Variants in MRPS27 observed in about 807,000 individuals in gnomAD.
MRPS27 encodes small ribosomal subunit protein mS27.
MRPS27 carries 43 observed loss-of-function variants against 48.9 expected under a neutral mutation model. The observed-to-expected ratio is 0.88, with a 90% confidence interval of 0.69 to 1.13. MRPS27 has a LOEUF of 1.13. Ranked by LOEUF, MRPS27 falls within the 50% of genes most tolerant of loss-of-function variation. The pLI is 0.00. For missense variants in MRPS27, 467 were observed against 476.3 expected, an observed-to-expected ratio of 0.98 and a Z score of 0.18; for synonymous variants, 188 against 171.9, an observed-to-expected ratio of 1.09 and a Z score of -0.73.
chr5:72,223,564 A>G, intron 10 of MRPS27, 119 bp downstream of exon 10: 3 of 1,229,146 alleles, frequency 2.4e-6, no homozygotes, highest in South Asian at 1.5e-5. Flanking sequence ...GTAATTTTTG[A>G]TGTCAGTTTT....
At chr5:72,295,504 CA>C (rs1463338486) in intron 4 of MRPS27, 26 bp downstream of exon 4, 1 of 1,566,814 alleles carries the variant, frequency 6.4e-7, no homozygotes, top group South Asian at 1.1e-5. Flanking sequence ...TCACAGAGTA[CA>C]TAGCCAAATC....
chr5:72,236,039 TTTTTC>T (rs1166722816), intron 5 of MRPS27, among the ~76,000 whole-genome samples: 2 of 152,120 alleles, frequency 1.3e-5, no homozygotes, highest in Non-Finnish European at 2.9e-5. Context: ...CTTCTGCTTG[TTTTTC>T]TTTTGTTAAT....
intron 4 of MRPS27, among the ~76,000 whole-genome samples, chr5:72,276,087 C>A (rs1399234920): frequency 6.8e-6 from 1 of 147,188 alleles, no homozygotes; most frequent in East Asian, 1.9e-4. Context: ...TGAAGAGAAA[C>A]CTTATCATAT....
chr5:72,241,699 A>G (rs1419289852), intron 4 of MRPS27: 1 of 1,535,278 alleles, frequency 6.5e-7, no homozygotes, highest in Non-Finnish European at 8.7e-7. Flanking sequence ...CTGTCAGAAG[A>G]AAGGCAAAGA....
At chr5:72,264,222 C>G (rs1213068962) in intron 4 of MRPS27, among the ~76,000 whole-genome samples, 3 of 152,060 alleles carry the variant, frequency 2.0e-5, no homozygotes, top group Non-Finnish European at 4.4e-5. Context: ...ACTAGGTTGC[C>G]AGCAGCCGGA....
In MRPS27 at chr5:72,248,495, G is replaced by T. The variant is rs1748567793; in HGVS notation, c.282-10367C>A. Among the ~76,000 whole-genome samples the T allele has an allele frequency of 4.6e-5, 7 of 151,924 alleles. 1 individual carries two copies. The highest frequency in any genetic ancestry group is 4.6e-4 in the Admixed American group (7 of 15,238). On this transcript the variant is annotated intron_variant, in intron 4 of 10. Coordinates refer to ENST00000261413, the MANE Select transcript of MRPS27 (RefSeq NM_015084.3). The stretch of plus-strand genomic sequence containing the variant: ...AACAATTTGAAAAACATCTTTTACT[G>T]CCTGAGAAAATTTAAAAAGTGTCTG...
chr5:72,277,000 CA>C (rs1460056358), intron 4 of MRPS27, among the ~76,000 whole-genome samples: 1 of 152,000 alleles, frequency 6.6e-6, no homozygotes. Context: ...CACTGCATTC[CA>C]GCCTGGGCAA....
chr5:72,296,371 G>A (rs1749979652), intron 3 of MRPS27, among the ~76,000 whole-genome samples: 1 of 152,114 alleles, frequency 6.6e-6, no homozygotes, highest in Non-Finnish European at 1.5e-5. Context: ...ATCCATTAAG[G>A]GCATATAAAA....
intron 10 of MRPS27, among the ~76,000 whole-genome samples, chr5:72,222,892 A>G (rs1404524571): frequency 6.6e-6 from 1 of 152,238 alleles, no homozygotes; most frequent in Non-Finnish European, 1.5e-5. Flanking sequence ...ATTACTGAAA[A>G]TATTTAAACA....
intron 2 of MRPS27, among the ~76,000 whole-genome samples, chr5:72,310,171 G>A (rs1750406260): frequency 6.6e-6 from 1 of 152,200 alleles, no homozygotes; most frequent in African/African-American, 2.4e-5. Context: ...GTATGTTTAT[G>A]TGTATGTGCA....
chr5:72,309,526 TGG>T (rs1156822904), intron 2 of MRPS27, among the ~76,000 whole-genome samples: 2 of 152,156 alleles, frequency 1.3e-5, no homozygotes, highest in Admixed American at 1.3e-4. Context: ...CCCAAAGTGC[TGG>T]GATTATAGGC....
chr5:72,258,882 C>T (rs749164377), intron 4 of MRPS27, among the ~76,000 whole-genome samples: 1 of 152,202 alleles, frequency 6.6e-6, no homozygotes, highest in Non-Finnish European at 1.5e-5. Context: ...ACTACTAAAT[C>T]TCAGTCTCCA....
intron 4 of MRPS27, among the ~76,000 whole-genome samples, chr5:72,263,299 A>G (rs574333958): frequency 6.6e-6 from 1 of 152,248 alleles, no homozygotes; most frequent in African/African-American, 2.4e-5. Flanking sequence ...ATCAATGACC[A>G]TAAAACTTAA....
Position 72,314,006 on chromosome 5 carries a change from C to T in MRPS27, c.151+75G>A, listed in dbSNP as rs545188922. On this transcript the variant is annotated intron_variant, in intron 2 of 10. Coordinates refer to ENST00000261413, the MANE Select transcript of MRPS27 (RefSeq NM_015084.3). ...TCATAAAAGCATAATTTCATATATA[C>T]GTTATATGAATAAATGATGGAAGAC... 5.8e-4 allele frequency: 604 copies of T among 1,046,688 alleles called. 2 individuals are homozygous for T. In the African/African-American group the frequency reaches 8.1e-3, roughly 14 times the overall value. The allele number at this position is 1,046,688 out of a possible 1,614,324, so 64.8% of individuals were successfully genotyped here.
intron 2 of MRPS27, among the ~76,000 whole-genome samples, chr5:72,311,003 A>T (rs1010872646): frequency 1.3e-5 from 2 of 152,204 alleles, no homozygotes; most frequent in Admixed American, 6.5e-5. Context: ...TATTCTATTT[A>T]AAAAAAGAGA....
At position 72,224,198 on chromosome 5, in the gene MRPS27, T is replaced by TA. The variant is rs758146277; in HGVS notation, c.838-349dup. Among the ~76,000 whole-genome samples the TA allele has an allele frequency of 4.4e-3, 606 of 137,476 alleles. 1 individual carries two copies. Among genetic ancestry groups the TA allele is most frequent in the African/African-American group, 0.01 (396 of 37,752 alleles). 90.2% of individuals were successfully genotyped at this position (137,476 alleles called of 152,430 possible). ...GGCAACACAGGGAGACTCCATCACT[T>TA]AAAAAAAAAAAAAAGCCAAGCATGG... On this transcript the variant is annotated intron_variant, in intron 9 of 10. Transcript: ENST00000261413.
Position 72,260,056 on chromosome 5 carries a change from A to C in MRPS27, c.282-21928T>G, listed in dbSNP as rs558071885. The stretch of plus-strand genomic sequence containing the variant: ...TTTTTATTTCTATTATTGATGACTA[A>C]AAAATCATTGTTTAACCAGTTTAAT... On this transcript the variant is annotated intron_variant, in intron 4 of 10. Coordinates refer to ENST00000261413, the MANE Select transcript of MRPS27 (RefSeq NM_015084.3). Among the ~76,000 whole-genome samples the C allele has an allele frequency of 1.2e-4, 18 of 152,284 alleles. No individual in the cohort carries two copies. The South Asian group carries it at 2.5e-3, about 21-fold the overall frequency.
chr5:72,248,891 A>G (rs1268131989), intron 4 of MRPS27, among the ~76,000 whole-genome samples: 1 of 152,108 alleles, frequency 6.6e-6, no homozygotes, highest in Non-Finnish European at 1.5e-5. Context: ...TTTGTGGGAG[A>G]GAAGAGGATA....
At chr5:72,255,794 C>CT (rs1337310055) in intron 4 of MRPS27, among the ~76,000 whole-genome samples, 1 of 152,212 alleles carries the variant, frequency 6.6e-6, no homozygotes, top group Non-Finnish European at 1.5e-5. Flanking sequence ...CCCAGACAGT[C>CT]TGACTCCAGA....
Sources: allele counts gnomAD v4.1 joint callset (sites outside exome capture counted in the v4.1 genomes callset), GRCh38; gene constraint gnomAD v4.1.1; transcripts MANE v1.5; gene names NCBI Gene and HGNC (gene_info 2026-07-23, HGNC 2026-07-21).